ACTN2: variants seen among roughly 807,000 people sequenced by gnomAD.
ACTN2 encodes the protein alpha-actinin-2.
In ACTN2, 39 loss-of-function variants were observed where a neutral mutation model predicts 113.8. The observed-to-expected ratio is 0.34, with a 90% CI of 0.27 to 0.45. The LOEUF is 0.45. Among genes scored for constraint, ACTN2 ranks in the 20% least tolerant of loss-of-function variants. The pLI is 1.00. For missense variants in ACTN2, 992 were observed against 1,177.9 expected, an observed-to-expected ratio of 0.84 and a Z score of 2.31; for synonymous variants, 429 against 444.1, an observed-to-expected ratio of 0.97 and a Z score of 0.43.
intron 1 of ACTN2, among the ~76,000 whole-genome samples, chr1:236,709,255 T>TATATACAC (rs796606511): frequency 3.3e-4 from 23 of 68,904 alleles, no homozygotes; most frequent in Non-Finnish European, 3.9e-4. Flanking sequence ...TATATATATA[T>TATATACAC]ACACACACAC....
rs748941751 is a variant in ACTN2, at chr1:236,754,121, C to T, written c.1974+40C>T. 8 of 1,610,650 alleles carry T rather than the reference C, an allele frequency of 5.0e-6. No homozygotes were observed. Among genetic ancestry groups the T allele is most frequent in the East Asian group, 2.2e-5 (1 of 44,880 alleles). ...TCCCAGGCGCTGTTCACAAGCCTTGCGATAAGTCCCTTTAGCCACGCAGCA... is the reference window on the plus strand; with the variant it reads ...TCCCAGGCGCTGTTCACAAGCCTTGTGATAAGTCCCTTTAGCCACGCAGCA... On this transcript the variant is annotated intron_variant, in intron 16 of 20. Coordinates refer to ENST00000366578, the MANE Select transcript of ACTN2 (RefSeq NM_001103.4). The surrounding 1 kb of genome is among the most constrained non-coding windows in gnomAD (Gnocchi z 4.9).
chr1:236,712,196 T>G (rs1658047394), intron 1 of ACTN2, among the ~76,000 whole-genome samples: 1 of 152,212 alleles, frequency 6.6e-6, no homozygotes, highest in Non-Finnish European at 1.5e-5. Flanking sequence ...TATCCATGAT[T>G]AACAGACTTT....
chr1:236,742,787 A>C, intron 10 of ACTN2, 109 bp from the exon 11 acceptor site: 3 of 1,400,318 alleles, frequency 2.1e-6, no homozygotes, highest in Non-Finnish European at 3.0e-6. Context: ...AACAAAAGGA[A>C]AACACCATCA....
intron 12 of ACTN2, among the ~76,000 whole-genome samples, chr1:236,746,180 A>G (rs1472750139): frequency 5.8e-4 from 88 of 151,052 alleles, no homozygotes; most frequent in African/African-American, 1.4e-3. Flanking sequence ...AAAAAAAAAA[A>G]AAAGAAAGAA....
At chr1:236,732,452 A>AT (rs1476294067) in intron 7 of ACTN2, among the ~76,000 whole-genome samples, 2 of 147,278 alleles carry the variant, frequency 1.4e-5, no homozygotes, top group African/African-American at 5.0e-5. Flanking sequence ...TTTATTTTTT[A>AT]TTTTTTTTGA....
At chr1:236,700,060 G>T (rs903411354) in intron 1 of ACTN2, among the ~76,000 whole-genome samples, 1 of 151,974 alleles carries the variant, frequency 6.6e-6, no homozygotes, top group African/African-American at 2.4e-5. Context: ...ACCACCCCCA[G>T]ACCCCACATT....
intron 5 of ACTN2, among the ~76,000 whole-genome samples, chr1:236,727,079 G>T (rs1054829962): frequency 6.6e-6 from 1 of 152,156 alleles, no homozygotes; most frequent in Non-Finnish European, 1.5e-5. Flanking sequence ...TGTCTATGGG[G>T]CATTTAGAGC....
chr1:236,695,022 C>T (rs1272402673), intron 1 of ACTN2, among the ~76,000 whole-genome samples: 1 of 151,894 alleles, frequency 6.6e-6, no homozygotes, highest in East Asian at 1.9e-4. Flanking sequence ...GCTATGATGG[C>T]ACCACTGCAC....
At chr1:236,726,423 G>A (rs1658552413) in intron 5 of ACTN2, among the ~76,000 whole-genome samples, 1 of 152,122 alleles carries the variant, frequency 6.6e-6, no homozygotes, top group Non-Finnish European at 1.5e-5. Flanking sequence ...AGCCCTGTAG[G>A]AAATAGATCC....
rs548200565 is a variant in ACTN2 at position 236,702,360 on chromosome 1, G to A, written c.127-15498G>A. ...ATGCTCTCCTGAATTATTGTTTAAA[G>A]ATATGTATTTAAATAATTGCGTAAG... On this transcript the variant is annotated intron_variant, in intron 1 of 20. Coordinates refer to ENST00000366578, the MANE Select transcript of ACTN2 (RefSeq NM_001103.4). Among the ~76,000 whole-genome samples the A allele has an allele frequency of 4.6e-5, 7 of 152,252 alleles. No homozygotes were observed. In the East Asian group the frequency reaches 7.7e-4, roughly 17 times the overall value.
Position 236,754,208 on chromosome 1 carries a change from T to G in ACTN2, c.1974+127T>G. On this transcript the variant is annotated intron_variant, in intron 16 of 20. Coordinates refer to ENST00000366578, the MANE Select transcript of ACTN2 (RefSeq NM_001103.4). This position sits in a 1 kb window ranked among gnomAD's most constrained non-coding sequence, Gnocchi z 4.9. Reference sequence around the variant, plus strand: ...TCAGTCAGGTGGGAGCACCGTTCTGTTATCACCCCGGCTTTATCTTTCAGC... The same window carrying G: ...TCAGTCAGGTGGGAGCACCGTTCTGGTATCACCCCGGCTTTATCTTTCAGC... The G allele has an allele frequency of 7.9e-7, 1 of 1,270,266 alleles. No individual in the cohort carries two copies. The allele number at this position is 1,270,266 out of a possible 1,614,324, so 78.7% of individuals were successfully genotyped here. A position where few individuals can be genotyped will look rare whatever the true frequency, so the allele number is the denominator to read the frequency against.
chr1:236,738,155 G>A (rs951711176), intron 9 of ACTN2, among the ~76,000 whole-genome samples: 5 of 152,266 alleles, frequency 3.3e-5, no homozygotes, highest in South Asian at 2.1e-4. Flanking sequence ...GATTACAGGC[G>A]TGCACCACCA....
At chr1:236,729,467 T>C (rs1658655205) in intron 6 of ACTN2, among the ~76,000 whole-genome samples, 2 of 152,208 alleles carry the variant, frequency 1.3e-5, no homozygotes, top group African/African-American at 4.8e-5. Context: ...GTGCTGTTGC[T>C]GTGTTTGGGC....
At chr1:236,703,139 G>A (rs1326223194) in intron 1 of ACTN2, among the ~76,000 whole-genome samples, 2 of 152,168 alleles carry the variant, frequency 1.3e-5, no homozygotes, top group Non-Finnish European at 1.5e-5. Flanking sequence ...GGTCTGCCCT[G>A]TCACAGAGCC....
chr1:236,720,615 C>T (rs1223255659), intron 4 of ACTN2, among the ~76,000 whole-genome samples: 9 of 151,958 alleles, frequency 5.9e-5, no homozygotes, highest in Non-Finnish European at 1.2e-4. Flanking sequence ...CTCTCTTTTT[C>T]TTTTTTCTTC....
Position 236,757,532 on chromosome 1 carries a change from C to T in ACTN2, c.2201C>T (p.Thr734Ile), listed in dbSNP as rs886046207. Residue 734 changes from threonine to isoleucine, a missense_variant, in exon 18 of 21, where the codon ACC becomes ATC. This residue lies in a region of ACTN2 where 736 missense variants were observed against 815.4 expected (regional missense o/e 0.90). Transcript: ENST00000366578. ...WELLLTTIARTINEVETQILT... is the reference protein window; with the variant it reads ...WELLLTTIARIINEVETQILT... ...CTGCTGCTGACAACCATCGCCAGAA[C>T]CATCAATGAGGTGGAGACTCAGATC... 6.2e-7 allele frequency: 1 copy of T among 1,614,140 alleles called. No individual in the cohort carries two copies. The highest frequency in any genetic ancestry group is 8.5e-7 in the Non-Finnish European group (1 of 1,180,014).
intron 12 of ACTN2, among the ~76,000 whole-genome samples, chr1:236,746,563 G>A (rs919552856): frequency 3.3e-5 from 5 of 151,998 alleles, no homozygotes; most frequent in Admixed American, 6.6e-5. Flanking sequence ...GAAAAGAGCC[G>A]GGTGTAGTGG....
intron 7 of ACTN2, among the ~76,000 whole-genome samples, chr1:236,732,425 C>CTTTTTAT (rs57171299): frequency 0.35 from 51,033 of 145,584 alleles, 10,796 homozygotes; most frequent in African/African-American, 0.59. Flanking sequence ...TTTTCTTTTT[C>CTTTTTAT]TTTTTATTTT....
chr1:236,735,710 G>T lies in ACTN2; in HGVS notation c.773G>T (p.Gly258Val). Residue 258 changes from glycine (G) to valine (V), a missense_variant, in exon 8 of 21, where the codon GGC becomes GTC. Physicochemically the swap from Gly to Val is moderately radical, Grantham distance 109 (BLOSUM62 -3). Around this residue, in one of 3 missense-constraint regions of ACTN2, gnomAD observed 220 missense variants for 337.5 expected, o/e 0.65. Coordinates refer to ENST00000366578, the MANE Select transcript of ACTN2 (RefSeq NM_001103.4). ...TCTTGCTTCTACCACGCTTTTGCGGGCGCGGAGCAGGTACTCAACACTTGT... is the reference window on the plus strand; with the variant it reads ...TCTTGCTTCTACCACGCTTTTGCGGTCGCGGAGCAGGTACTCAACACTTGT... ...YVSCFYHAFA[G>V]AEQAETAANR... 6 of 1,614,130 alleles carry T rather than the reference G, an allele frequency of 3.7e-6. No individual in the cohort carries two copies. The highest frequency in any genetic ancestry group is 1.3e-5 in the African/African-American group (1 of 75,044).
Sources: gnomAD v4.1 joint callset for allele counts (sites outside exome capture counted in the v4.1 genomes callset) on GRCh38, gnomAD v4.1.1 for gene constraint, gnomAD v4.1.1 regional missense constraint, Gnocchi (gnomAD v3.1) non-coding constraint, MANE v1.5 for transcripts, NCBI Gene and HGNC (gene_info 2026-07-23, HGNC 2026-07-21) for gene names.